The following SLX9 variants were observed in gnomAD, a reference collection of about 807,000 sequenced individuals.
The protein encoded by SLX9 is ribosome biogenesis protein SLX9 homolog.
A neutral mutation model predicts 20.8 loss-of-function variants in SLX9; 19 were observed. The observed-to-expected ratio is 0.91, with a 90% CI of 0.64 to 1.34. The LOEUF is 1.34. Among genes scored for constraint, SLX9 ranks in the 40% most tolerant of loss-of-function variants. The pLI is 0.00. For synonymous variants in SLX9, 113 were observed against 137.1 expected (o/e 0.82, Z 1.23); for missense variants, 299 against 322.2 (o/e 0.93, Z 0.55).
chr21:44,947,787 G>T (rs2084671035), intron 2 of SLX9, among the ~76,000 whole-genome samples: 1 of 152,126 alleles, frequency 6.6e-6, no homozygotes, highest in African/African-American at 2.4e-5. Context: ...CAGGGCTGAG[G>T]CTGGCCTAGA....
Position 44,974,935 on chromosome 21 carries a change from C to T in SLX9, c.569+1670C>T, listed in dbSNP as rs555892161. Among the ~76,000 whole-genome samples, 10 of 152,316 alleles carry T rather than the reference C, an allele frequency of 6.6e-5. No homozygotes were observed. In the East Asian group the frequency reaches 1.2e-3, roughly 18 times the overall value. Reference sequence around the variant, plus strand: ...GGTTTTCCTCTTGCAGACTGTCTGTCGCCCGCACCCCTCGGTGCCCCCATG... The same window carrying T: ...GGTTTTCCTCTTGCAGACTGTCTGTTGCCCGCACCCCTCGGTGCCCCCATG... On this transcript the variant is annotated intron_variant, in intron 5 of 5. Transcript: ENST00000291634.
intron 3 of SLX9, among the ~76,000 whole-genome samples, chr21:44,966,524 C>G (rs2085038714): frequency 6.6e-6 from 1 of 152,212 alleles, no homozygotes; most frequent in Non-Finnish European, 1.5e-5. Flanking sequence ...GCCCAAATCC[C>G]TTCTCTAGCG....
intron 2 of SLX9, among the ~76,000 whole-genome samples, chr21:44,955,223 G>T (rs1457365223): frequency 7.9e-6 from 1 of 127,056 alleles, no homozygotes; most frequent in Non-Finnish European, 1.7e-5. Flanking sequence ...AAAAAAAAAA[G>T]AAGTAAGAAA....
chr21:44,960,891 TTTA>T (rs2084940146), intron 3 of SLX9, among the ~76,000 whole-genome samples: 3 of 152,266 alleles, frequency 2.0e-5, no homozygotes, highest in Non-Finnish European at 4.4e-5. Flanking sequence ...CGGTTATCTT[TTTA>T]GTGTGATTCT....
chr21:44,962,310 C>A (rs760581679), intron 3 of SLX9, among the ~76,000 whole-genome samples: 6 of 152,080 alleles, frequency 3.9e-5, no homozygotes, highest in South Asian at 2.1e-4. Flanking sequence ...CAGTCACGCA[C>A]CCCCCCAGTC....
intron 2 of SLX9, among the ~76,000 whole-genome samples, chr21:44,954,497 C>A (rs1167076018): frequency 1.3e-5 from 2 of 152,174 alleles, no homozygotes; most frequent in Non-Finnish European, 2.9e-5. Context: ...GCAGGTTTGT[C>A]TGTGGTTTTG....
At chr21:44,960,986 T>C (rs550372106) in intron 3 of SLX9, among the ~76,000 whole-genome samples, 1 of 152,364 alleles carries the variant, frequency 6.6e-6, no homozygotes, top group South Asian at 2.1e-4. Context: ...TTAAAGAAAA[T>C]GTATGTTTTT....
At chr21:44,959,370 T>C (rs2084913554) in intron 2 of SLX9, 4 of 565,218 alleles carry the variant, frequency 7.1e-6, no homozygotes, top group Admixed American at 6.3e-5. Context: ...TTGAGTCCAC[T>C]CTGTTTCAGA....
At chr21:44,950,596 C>T (rs571450165) in intron 2 of SLX9, among the ~76,000 whole-genome samples, 135 of 152,350 alleles carry the variant, frequency 8.9e-4, no homozygotes, top group South Asian at 3.3e-3. Flanking sequence ...GTTGTTGAGA[C>T]GCTAGACCAG....
chr21:44,968,753 C>CTTTTTTTTTTTTTTTTTTTTTT lies in SLX9; in HGVS notation c.500+1589_500+1590insTTTTTTTTTTTTTTTTTTTTTT, dbSNP rs35304604. Among the ~76,000 whole-genome samples the CTTTTTTTTTTTTTTTTTTTTTT allele has an allele frequency of 1.5e-5, 2 of 132,948 alleles. 1 individual carries two copies. Among genetic ancestry groups the CTTTTTTTTTTTTTTTTTTTTTT allele is most frequent in the Non-Finnish European group, 3.2e-5 (2 of 62,750 alleles). 87.2% of individuals were successfully genotyped at this position (132,948 alleles called of 152,430 possible). On this transcript the variant is annotated intron_variant, in intron 4 of 5. Transcript: ENST00000291634. ...CTCATTCATTTGTGTCATCTCTGTG[C>CTTTTTTTTTTTTTTTTTTTTTT]TTTTTTTTTTTTTTTTTGGAGACGG...
intron 2 of SLX9, among the ~76,000 whole-genome samples, chr21:44,953,748 C>G (rs1463607133): frequency 6.6e-6 from 1 of 152,202 alleles, no homozygotes; most frequent in Non-Finnish European, 1.5e-5. Flanking sequence ...GTAGCGTGAC[C>G]TTGGCGCTCT....
chr21:44,969,221 G>T (rs1366931242), intron 4 of SLX9: 2 of 469,560 alleles, frequency 4.3e-6, no homozygotes, highest in Non-Finnish European at 8.8e-6. Context: ...CTCCAGGCTG[G>T]CATCCCGCGG....
intron 5 of SLX9, among the ~76,000 whole-genome samples, chr21:44,973,969 A>C (rs972832709): frequency 1.3e-5 from 2 of 152,184 alleles, no homozygotes; most frequent in African/African-American, 4.8e-5. Flanking sequence ...GGCTGGTTGA[A>C]ATCTGGATGA....
intron 5 of SLX9, among the ~76,000 whole-genome samples, chr21:44,974,272 G>A (rs775934866): frequency 3.3e-5 from 5 of 152,232 alleles, no homozygotes; most frequent in African/African-American, 7.2e-5. Flanking sequence ...GGCCCATTGT[G>A]CCTTTCCAGT....
rs187205401 is a variant in SLX9, at chr21:44,948,793, C to T, written c.283+4956C>T. On this transcript the variant is annotated intron_variant, in intron 2 of 5. Coordinates refer to ENST00000291634, the MANE Select transcript of SLX9 (RefSeq NM_058190.4). ...GAGTTTTGTCCAGGCCCACTGGGCT[C>T]ATTTCACCTACTTGGCCTGGCAGGC... Among the ~76,000 whole-genome samples the T allele has an allele frequency of 1.3e-4, 20 of 152,378 alleles. No homozygotes were observed. The East Asian group carries it at 1.5e-3, about 12-fold the overall frequency.
chr21:44,970,900 T>C (rs57677709), intron 4 of SLX9, among the ~76,000 whole-genome samples: 11,894 of 151,628 alleles, frequency 0.078, 1,547 homozygotes, highest in African/African-American at 0.27. Flanking sequence ...CCAACCCAGC[T>C]CCCTCAATCC....
chr21:44,962,522 C>T (rs1405457270), intron 3 of SLX9, among the ~76,000 whole-genome samples: 1 of 152,258 alleles, frequency 6.6e-6, no homozygotes, highest in African/African-American at 2.4e-5. Context: ...CTTTTGATTG[C>T]TGAGAAGTAT....
chr21:44,976,533 T>A (rs1393021516), intron 5 of SLX9, 147 bp from the exon 6 acceptor site: 62 of 1,284,614 alleles, frequency 4.8e-5, no homozygotes, highest in Non-Finnish European at 6.4e-5. Context: ...TCTCCCCTCC[T>A]GCCGGAAGTT....
chr21:44,954,575 G>C (rs2084820193), intron 2 of SLX9, among the ~76,000 whole-genome samples: 1 of 152,210 alleles, frequency 6.6e-6, no homozygotes, highest in African/African-American at 2.4e-5. Flanking sequence ...CAGGACTGCG[G>C]AGGTGGGCAC....
Sources: allele counts gnomAD v4.1 joint callset (sites outside exome capture counted in the v4.1 genomes callset), GRCh38; gene constraint gnomAD v4.1.1; transcripts MANE v1.5; gene names NCBI Gene and HGNC (gene_info 2026-07-23, HGNC 2026-07-21).